ACOT7: variants seen among roughly 807,000 people sequenced by gnomAD.
ACOT7 encodes cytosolic acyl coenzyme A thioester hydrolase.
Under a neutral mutation model 40.2 loss-of-function variants are expected in ACOT7, and 12 were observed. The ratio of observed to expected loss-of-function variants is 0.30; its 90% CI spans 0.19 to 0.48. The LOEUF (loss-of-function observed/expected upper bound fraction) is 0.48, where lower values mean the gene tolerates loss of function less well. Ranked by LOEUF, ACOT7 falls within the 20% of genes least tolerant of loss-of-function variation. The probability of loss-of-function intolerance (pLI) is 0.99; values close to 1 mark genes in which losing one functional copy is unlikely to be tolerated. For missense variants in ACOT7, 395 were observed against 530.8 expected (o/e 0.74, Z 2.51); for synonymous variants, 228 against 219.5 (o/e 1.04, Z -0.34).
chr1:6,363,990 T>C (rs774899258), intron 1 of ACOT7, among the ~76,000 whole-genome samples: 2 of 152,090 alleles, frequency 1.3e-5, no homozygotes, highest in Non-Finnish European at 2.9e-5. Context: ...GTAGGATCAC[T>C]TGAGCTGGGA....
intron 1 of ACOT7, among the ~76,000 whole-genome samples, chr1:6,382,280 T>C (rs1642353663): frequency 6.6e-6 from 1 of 151,714 alleles, no homozygotes; most frequent in Non-Finnish European, 1.5e-5. Flanking sequence ...GGCGGGCACC[T>C]GTAGTCCCAG....
At chr1:6,378,387 C>G (rs1303494319) in intron 1 of ACOT7, among the ~76,000 whole-genome samples, 1 of 151,946 alleles carries the variant, frequency 6.6e-6, no homozygotes, top group Non-Finnish European at 1.5e-5. Flanking sequence ...CTTCCCAGGT[C>G]CCAGCCAACA....
At chr1:6,284,067 G>C (rs913850199) in intron 7 of ACOT7, among the ~76,000 whole-genome samples, 1 of 152,198 alleles carries the variant, frequency 6.6e-6, no homozygotes, top group African/African-American at 2.4e-5. Flanking sequence ...AGGGTTGACA[G>C]ACGAATCACA....
chr1:6,341,697 G>T (rs987908073), intron 2 of ACOT7, among the ~76,000 whole-genome samples: 1 of 152,072 alleles, frequency 6.6e-6, no homozygotes, highest in Non-Finnish European at 1.5e-5. Flanking sequence ...AGCCAAGATC[G>T]CACCACTGCG....
chr1:6,302,711 G>T (rs1261923972), intron 6 of ACOT7, among the ~76,000 whole-genome samples: 2 of 151,958 alleles, frequency 1.3e-5, no homozygotes, highest in African/African-American at 2.4e-5. Context: ...TCTCCTACCG[G>T]CGAGACACAA....
chr1:6,293,626 G>A (rs534998863), intron 7 of ACOT7, among the ~76,000 whole-genome samples: 3 of 152,338 alleles, frequency 2.0e-5, no homozygotes, highest in East Asian at 3.9e-4. Context: ...ACTTGAGCAC[G>A]GAAGTGCAAG....
At chr1:6,372,739 G>A (rs1642155536) in intron 1 of ACOT7, among the ~76,000 whole-genome samples, 1 of 151,948 alleles carries the variant, frequency 6.6e-6, no homozygotes. Context: ...TAGTAGAGAT[G>A]GCGTTTCACT....
At chr1:6,324,823 A>C (rs1640753542) in intron 5 of ACOT7, among the ~76,000 whole-genome samples, 1 of 152,220 alleles carries the variant, frequency 6.6e-6, no homozygotes, top group Non-Finnish European at 1.5e-5. Flanking sequence ...TCCTTAATTT[A>C]ACCACATCTG....
rs549261783 is a variant in ACOT7 at position 6,348,829 on chromosome 1, G to T, written c.261+920C>A. Among the ~76,000 whole-genome samples the T allele has an allele frequency of 5.9e-5, 9 of 152,290 alleles. 1 individual carries two copies. In the South Asian group the frequency reaches 1.9e-3, roughly 32 times the overall value. On this transcript the variant is annotated intron_variant, in intron 2 of 8. Transcript: ENST00000361521. Reference sequence around the variant, plus strand: ...AACAGTGTGGCTCAGAGCTCACAGTGCCTCCGCTGGTCCCTGGTCTCTGAC... The same window carrying T: ...AACAGTGTGGCTCAGAGCTCACAGTTCCTCCGCTGGTCCCTGGTCTCTGAC...
intron 6 of ACOT7, among the ~76,000 whole-genome samples, chr1:6,300,692 C>T (rs950387873): frequency 4.1e-5 from 6 of 145,636 alleles, no homozygotes; most frequent in Admixed American, 3.4e-4. Flanking sequence ...GATGCGCAGC[C>T]AGCCCCTCCC....
chr1:6,389,688 G>T (rs1259456186), intron 1 of ACOT7, among the ~76,000 whole-genome samples: 1 of 151,574 alleles, frequency 6.6e-6, no homozygotes, highest in Non-Finnish European at 1.5e-5. Flanking sequence ...GGAGGCTGAG[G>T]CAGGAGAATC....
At chr1:6,292,199 G>A (rs1258103093) in intron 7 of ACOT7, among the ~76,000 whole-genome samples, 1 of 152,254 alleles carries the variant, frequency 6.6e-6, no homozygotes, top group Non-Finnish European at 1.5e-5. Flanking sequence ...AAAACAAGAT[G>A]TCATCTAAGA....
rs1244850953 is a variant in ACOT7, at chr1:6,294,933, G to A, written c.760C>T (p.Arg254Cys). Reference sequence around the variant, plus strand: ...GTGACGATGTTGGTCTTGCAGTGGCGTGCAGCCACGATCCCGGCGACCTCA... The same window carrying A: ...GTGACGATGTTGGTCTTGCAGTGGCATGCAGCCACGATCCCGGCGACCTCA... ...MDEVAGIVAA[R>C]HCKTNIVTAS... Residue 254 changes from arginine (R) to cysteine (C), a missense_variant, in exon 7 of 9, where the codon CGC becomes TGC. Coordinates refer to ENST00000361521, the MANE Select transcript of ACOT7 (RefSeq NM_007274.4). The surrounding 1 kb of genome is among the most constrained non-coding windows in gnomAD (Gnocchi z 4.6). The A allele has an allele frequency of 6.8e-6, 11 of 1,613,962 alleles. No individual in the cohort carries two copies. The highest frequency in any genetic ancestry group is 6.7e-5 in the Admixed American group (4 of 60,004).
rs540696914 is a variant in ACOT7, at chr1:6,324,924, C to G, written c.625+2375G>C. Among the ~76,000 whole-genome samples, 25 of 152,296 alleles carry G rather than the reference C, an allele frequency of 1.6e-4. No individual in the cohort carries two copies. In the East Asian group the frequency reaches 4.8e-3, roughly 29 times the overall value. ...TCTGGCCCTGAGCGCTGTGTTGGTG[C>G]CTTTCCTAAGACACCTCCCGTTGCT... On this transcript the variant is annotated intron_variant, in intron 5 of 8. Coordinates refer to ENST00000361521, the MANE Select transcript of ACOT7 (RefSeq NM_007274.4).
intron 1 of ACOT7, among the ~76,000 whole-genome samples, chr1:6,380,318 G>A (rs1018048213): frequency 6.6e-6 from 1 of 151,380 alleles, no homozygotes; most frequent in African/African-American, 2.4e-5. Context: ...AACACCTTTC[G>A]GCCGGGTGTG....
At chr1:6,284,860 C>T (rs537565988) in intron 7 of ACOT7, among the ~76,000 whole-genome samples, 11 of 152,264 alleles carry the variant, frequency 7.2e-5, no homozygotes, top group Admixed American at 2.6e-4. Flanking sequence ...TCCTGGCCCC[C>T]GTGGTCTCTC....
intron 7 of ACOT7, among the ~76,000 whole-genome samples, chr1:6,290,545 A>C (rs1452240102): frequency 6.6e-6 from 1 of 152,248 alleles, no homozygotes; most frequent in Non-Finnish European, 1.5e-5. Context: ...CCTTTTCCAT[A>C]AACGTATGAT....
intron 7 of ACOT7, among the ~76,000 whole-genome samples, chr1:6,291,544 A>G (rs536977050): frequency 2.0e-4 from 31 of 152,308 alleles, no homozygotes; most frequent in Middle Eastern, 3.4e-3. Context: ...AGCAATGCCC[A>G]TTCTCTACAG....
In ACOT7 at chr1:6,282,445, T is replaced by G. The variant is rs968008394; in HGVS notation, c.830-1159A>C. Among the ~76,000 whole-genome samples, 1 of 152,040 alleles carries G rather than the reference T, an allele frequency of 6.6e-6. No homozygotes were observed. Among genetic ancestry groups the G allele is most frequent in the Non-Finnish European group, 1.5e-5 (1 of 68,012 alleles). ...CCAGGCGGCCCAGCGTGGCCTCTAT[T>G]CTGGGCCAGGCTCAAGGATATCCCT... On this transcript the variant is annotated intron_variant, in intron 7 of 8. Transcript: ENST00000361521. This position sits in a 1 kb window ranked among gnomAD's most constrained non-coding sequence, Gnocchi z 4.5.
Sources: gnomAD v4.1 joint callset for allele counts (sites outside exome capture counted in the v4.1 genomes callset) on GRCh38, gnomAD v4.1.1 for gene constraint, Gnocchi (gnomAD v3.1) non-coding constraint, MANE v1.5 for transcripts, NCBI Gene and HGNC (gene_info 2026-07-23, HGNC 2026-07-21) for gene names.